Variants in ATP8A2 observed in about 807,000 individuals in gnomAD.
ATP8A2 encodes the protein phospholipid-transporting ATPase IB.
A neutral mutation model predicts 165.6 loss-of-function variants in ATP8A2; 100 were observed. The observed-to-expected ratio is 0.60, with a 90% CI of 0.51 to 0.71. The LOEUF is 0.71. Among genes scored for constraint, ATP8A2 ranks in the 30% least tolerant of loss-of-function variants. The probability of loss-of-function intolerance (pLI) is 0.00; values close to 1 mark genes in which losing one functional copy is unlikely to be tolerated. For missense variants in ATP8A2, 1,227 were observed against 1,479.5 expected (o/e 0.83, Z 2.80); for synonymous variants, 543 against 548.8 (o/e 0.99, Z 0.15).
intron 27 of ATP8A2, among the ~76,000 whole-genome samples, chr13:25,788,059 G>C (rs1175235838): frequency 1.3e-5 from 2 of 152,170 alleles, no homozygotes; most frequent in Non-Finnish European, 2.9e-5. Flanking sequence ...GAGCAGCATG[G>C]TTACAGGTGA....
intron 25 of ATP8A2, among the ~76,000 whole-genome samples, chr13:25,715,371 A>G (rs527498365): frequency 1.6e-4 from 25 of 152,352 alleles, no homozygotes; most frequent in Non-Finnish European, 3.1e-4. Flanking sequence ...TAATTCACAC[A>G]TTTGAAGTAT....
rs114106685 is a variant in ATP8A2 at position 25,789,662 on chromosome 13, T to G, written c.2679+14703T>G. Reference sequence around the variant, plus strand: ...AAATGGCCATAGTGCCCAAAGCAATTTATAGATTCTATGCTATTCCTGTCA... The same window carrying G: ...AAATGGCCATAGTGCCCAAAGCAATGTATAGATTCTATGCTATTCCTGTCA... On this transcript the variant is annotated intron_variant, in intron 27 of 36. Coordinates refer to ENST00000381655, the MANE Select transcript of ATP8A2 (RefSeq NM_016529.6). 4.1e-3 allele frequency among the ~76,000 whole-genome samples: 630 copies of G among 152,298 alleles called. 6 individuals are homozygous for G. The highest frequency in any genetic ancestry group is 0.014 in the African/African-American group (599 of 41,544).
intron 1 of ATP8A2, among the ~76,000 whole-genome samples, chr13:25,407,453 C>T (rs984358616): frequency 5.9e-5 from 9 of 152,188 alleles, no homozygotes; most frequent in Non-Finnish European, 1.3e-4. Flanking sequence ...CAATTTGCAT[C>T]AGGTATGGTA....
chr13:25,573,658 A>G (rs1477216461), intron 18 of ATP8A2, among the ~76,000 whole-genome samples: 1 of 149,068 alleles, frequency 6.7e-6, no homozygotes, highest in African/African-American at 2.4e-5. Context: ...GACGTGGTTG[A>G]TATAACTGTG....
intron 27 of ATP8A2, among the ~76,000 whole-genome samples, chr13:25,779,736 A>G (rs2044829511): frequency 1.3e-5 from 2 of 152,236 alleles, no homozygotes; most frequent in Non-Finnish European, 1.5e-5. Flanking sequence ...CTATCTCTCC[A>G]TGTAATTTAG....
intron 33 of ATP8A2, among the ~76,000 whole-genome samples, chr13:25,938,047 G>A (rs981998961): frequency 1.3e-5 from 2 of 151,894 alleles, no homozygotes; most frequent in Non-Finnish European, 2.9e-5. Flanking sequence ...TCTGAAACTA[G>A]GGAAACTGTA....
chr13:25,753,224 G>A (rs1206075004), intron 25 of ATP8A2, among the ~76,000 whole-genome samples: 5 of 152,192 alleles, frequency 3.3e-5, no homozygotes, highest in South Asian at 2.1e-4. Context: ...AGGGAAATCC[G>A]GGAAGTGGGA....
chr13:26,018,212 A>G (rs1233132650), intron 36 of ATP8A2, among the ~76,000 whole-genome samples: 1 of 152,208 alleles, frequency 6.6e-6, no homozygotes, highest in Non-Finnish European at 1.5e-5. Context: ...GCCAGAAGGC[A>G]TGCTCTCTGG....
At chr13:25,670,707 T>G (rs986188608) in intron 24 of ATP8A2, among the ~76,000 whole-genome samples, 21 of 152,198 alleles carry the variant, frequency 1.4e-4, no homozygotes, top group African/African-American at 5.1e-4. Flanking sequence ...CTTTATGTCT[T>G]AGATGATGTT....
intron 33 of ATP8A2, among the ~76,000 whole-genome samples, chr13:25,915,188 T>G (rs1304955925): frequency 6.6e-6 from 1 of 152,218 alleles, no homozygotes; most frequent in Non-Finnish European, 1.5e-5. Flanking sequence ...TTTATAGAAA[T>G]CATAGAATTT....
chr13:25,583,562 G>T (rs530088785), intron 23 of ATP8A2, among the ~76,000 whole-genome samples: 16 of 152,174 alleles, frequency 1.1e-4, no homozygotes, highest in African/African-American at 3.9e-4. Flanking sequence ...CCCTCTCACT[G>T]CCTCTCATCC....
chr13:25,396,902 G>A (rs893615617), intron 1 of ATP8A2, among the ~76,000 whole-genome samples: 4 of 152,194 alleles, frequency 2.6e-5, no homozygotes, highest in African/African-American at 9.6e-5. Context: ...TTTCAGCAAA[G>A]CAGCTTTATT....
chr13:25,700,868 C>T (rs1049847432), intron 25 of ATP8A2, among the ~76,000 whole-genome samples: 6 of 152,116 alleles, frequency 3.9e-5, no homozygotes, highest in Non-Finnish European at 8.8e-5. Context: ...TAACACTTGT[C>T]GCTAGCTATC....
At chr13:25,783,248 T>C (rs1357004763) in intron 27 of ATP8A2, among the ~76,000 whole-genome samples, 1 of 152,198 alleles carries the variant, frequency 6.6e-6, no homozygotes, top group Non-Finnish European at 1.5e-5. Flanking sequence ...GGGCTTACAG[T>C]CCATGATTAC....
At chr13:25,437,765 T>C (rs912622254) in intron 1 of ATP8A2, among the ~76,000 whole-genome samples, 4 of 152,202 alleles carry the variant, frequency 2.6e-5, no homozygotes, top group African/African-American at 9.7e-5. Flanking sequence ...CTGCTTTATC[T>C]GAAGTCTAAA....
At chr13:25,606,247 C>G (rs2040513482) in intron 24 of ATP8A2, among the ~76,000 whole-genome samples, 1 of 152,190 alleles carries the variant, frequency 6.6e-6, no homozygotes. Flanking sequence ...ACATAGCTGT[C>G]TCCTGCCTTT....
chr13:25,471,410 G>A (rs897643991), intron 2 of ATP8A2, among the ~76,000 whole-genome samples: 6 of 151,738 alleles, frequency 4.0e-5, no homozygotes, highest in African/African-American at 1.2e-4. Context: ...GAGTGCAGTG[G>A]TATGATCTTG....
intron 35 of ATP8A2, among the ~76,000 whole-genome samples, chr13:25,990,261 TAAAAAAAA>T (rs3056351): frequency 9.2e-6 from 1 of 108,370 alleles, no homozygotes; most frequent in Non-Finnish European, 1.8e-5. Context: ...CATGTAACTG[TAAAAAAAA>T]AAAAAAAAAA....
intron 33 of ATP8A2, among the ~76,000 whole-genome samples, chr13:25,869,565 C>G (rs1246400631): frequency 6.6e-6 from 1 of 152,104 alleles, no homozygotes; most frequent in Non-Finnish European, 1.5e-5. Flanking sequence ...TATTTCTGAG[C>G]TTGTTTTTCA....
Sources: gnomAD v4.1 joint callset for allele counts (sites outside exome capture counted in the v4.1 genomes callset) on GRCh38, gnomAD v4.1.1 for gene constraint, MANE v1.5 for transcripts, NCBI Gene and HGNC (gene_info 2026-07-23, HGNC 2026-07-21) for gene names.